Variants in ZNF799 observed in about 807,000 individuals in gnomAD.
ZNF799 encodes zinc finger protein 799.
Under a neutral mutation model 41.0 loss-of-function variants are expected in ZNF799, and 28 were observed. The observed-to-expected ratio is 0.68, with a 90% confidence interval of 0.51 to 0.94. The LOEUF (loss-of-function observed/expected upper bound fraction) is 0.94, where lower values mean the gene tolerates loss of function less well. ZNF799 is among the 40% of genes least tolerant of loss of function. The pLI is 0.00. For missense variants in ZNF799, 716 were observed against 764.3 expected, an observed-to-expected ratio of 0.94 and a Z score of 0.74; for synonymous variants, 213 against 252.9, an observed-to-expected ratio of 0.84 and a Z score of 1.50.
At position 12,401,257 on chromosome 19, in the gene ZNF799, G is replaced by T; in HGVS notation, c.-187C>A. 1.4e-6 allele frequency: 2 copies of T among 1,395,776 alleles called. No individual in the cohort carries two copies. The highest frequency in any genetic ancestry group is 1.5e-5 in the South Asian group (1 of 68,790). 86.5% of individuals were successfully genotyped at this position (1,395,776 alleles called of 1,614,324 possible). A position where few individuals can be genotyped will look rare whatever the true frequency, so the allele number is the denominator to read the frequency against. On this transcript the variant is annotated 5_prime_UTR_variant, in exon 1 of 4. Coordinates refer to ENST00000430385, the MANE Select transcript of ZNF799 (RefSeq NM_001080821.3). ...TTTCAACCACACACTCCTCTGGGAAGCGCGCCTGATTGACAGTTCCCACGA... is the reference window on the plus strand; with the variant it reads ...TTTCAACCACACACTCCTCTGGGAATCGCGCCTGATTGACAGTTCCCACGA...
At chr19:12,407,019 A>ACT in the ZNF799 span, among the ~76,000 whole-genome samples, 2 of 152,244 alleles carry the variant, frequency 1.3e-5, no homozygotes, top group African/African-American at 2.4e-5. Flanking sequence ...GTGACTAACT[A>ACT]AAGAAAAACA....
intron 1 of ZNF799, among the ~76,000 whole-genome samples, chr19:12,398,968 A>G (rs923502002): frequency 6.6e-6 from 1 of 152,178 alleles, no homozygotes; most frequent in African/African-American, 2.4e-5. Context: ...CTGAAATCCA[A>G]CTCTTTCTAG....
In ZNF799 at chr19:12,399,376, GT is replaced by G. The variant is rs554556960; in HGVS notation, c.3+1691del. Among the ~76,000 whole-genome samples, 1,180 of 150,338 alleles carry G rather than the reference GT, an allele frequency of 7.8e-3. 16 individuals carry two copies. Among genetic ancestry groups the G allele is most frequent in the African/African-American group, 0.027 (1,108 of 40,604 alleles). On this transcript the variant is annotated intron_variant, in intron 1 of 3. Coordinates refer to ENST00000430385, the MANE Select transcript of ZNF799 (RefSeq NM_001080821.3). Reference sequence around the variant, plus strand: ...AGTCCAGAAGGCAAAAATCATTTCTGTTTTTTTTTCCTATGGAATATGACCA... The same window carrying G: ...AGTCCAGAAGGCAAAAATCATTTCTGTTTTTTTTCCTATGGAATATGACCA...
intron 1 of ZNF799, 99 bp downstream of exon 1, chr19:12,400,969 G>C: frequency 6.2e-7 from 1 of 1,606,590 alleles, no homozygotes; most frequent in Non-Finnish European, 8.5e-7. Flanking sequence ...CGTAGATCCC[G>C]GAGTAGCCCT....
At chr19:12,397,241 AGGG>A (rs1969908921) in intron 1 of ZNF799, among the ~76,000 whole-genome samples, 2 of 152,084 alleles carry the variant, frequency 1.3e-5, no homozygotes, top group Admixed American at 6.6e-5. Flanking sequence ...TCCAAATGCT[AGGG>A]AAATCAATAA....
rs528389648 is a variant in ZNF799 at position 12,394,904 on chromosome 19, T to C, written c.4-1481A>G. ...GCACCCCGTACTATTAACAGAGAGATAAATATATATATAAAGAAAAATGAA... is the reference window on the plus strand; with the variant it reads ...GCACCCCGTACTATTAACAGAGAGACAAATATATATATAAAGAAAAATGAA... On this transcript the variant is annotated intron_variant, in intron 1 of 3. Coordinates refer to ENST00000430385, the MANE Select transcript of ZNF799 (RefSeq NM_001080821.3). 82 of 976,814 alleles carry C rather than the reference T, an allele frequency of 8.4e-5. No homozygotes were observed. In the African/African-American group the frequency reaches 1.2e-3, roughly 14 times the overall value. The allele number at this position is 976,814 out of a possible 1,614,324, so 60.5% of individuals were successfully genotyped here.
chr19:12,410,965 T>C, the ZNF799 span, among the ~76,000 whole-genome samples: 1 of 152,206 alleles, frequency 6.6e-6, no homozygotes, highest in Non-Finnish European at 1.5e-5. Context: ...CAGACCAGGA[T>C]GGTTTCACTG....
chr19:12,401,950 CT>C (rs1269204757), upstream of ZNF799, among the ~76,000 whole-genome samples: 1 of 152,222 alleles, frequency 6.6e-6, no homozygotes, highest in Admixed American at 6.5e-5. Context: ...TATAGTCACT[CT>C]GTTGTGCTAG....
intron 1 of ZNF799, chr19:12,400,551 G>T (rs1394391835): frequency 5.7e-6 from 1 of 174,292 alleles, no homozygotes; most frequent in Non-Finnish European, 1.2e-5. Flanking sequence ...CGCCAATCAG[G>T]TTGAAGTCCC....
chr19:12,412,013 A>G, the ZNF799 span, among the ~76,000 whole-genome samples: 5 of 152,004 alleles, frequency 3.3e-5, no homozygotes, highest in African/African-American at 9.7e-5. Context: ...TCCTTCCTCA[A>G]TGTGGTTGAT....
chr19:12,413,872 G>A, the ZNF799 span, among the ~76,000 whole-genome samples: 290 of 152,288 alleles, frequency 1.9e-3, no homozygotes, highest in African/African-American at 6.7e-3. Flanking sequence ...CGCCCGTAGG[G>A]AAGTCTGGGT....
chr19:12,392,993 A>C (rs1969847667), intron 2 of ZNF799, among the ~76,000 whole-genome samples: 1 of 151,912 alleles, frequency 6.6e-6, no homozygotes, highest in Non-Finnish European at 1.5e-5. Context: ...TTATCTTTTT[A>C]ACACTTTCTG....
At chr19:12,394,987 A>G (rs941227082) in intron 1 of ZNF799, 9 of 545,726 alleles carry the variant, frequency 1.6e-5, no homozygotes, top group African/African-American at 6.2e-5. Flanking sequence ...CCCTCCCCCT[A>G]TCAATACCAG....
At chr19:12,396,900 A>T (rs141444173) in intron 1 of ZNF799, among the ~76,000 whole-genome samples, 19 of 152,108 alleles carry the variant, frequency 1.2e-4, no homozygotes, top group African/African-American at 4.1e-4. Flanking sequence ...AAGAAAAATG[A>T]TACAGGTTAG....
chr19:12,391,710 A>T lies in ZNF799; in HGVS notation c.688T>A (p.Cys230Ser). 6.2e-7 allele frequency: 1 copy of T among 1,614,122 alleles called. No homozygotes were observed. The highest frequency in any genetic ancestry group is 8.5e-7 in the Non-Finnish European group (1 of 1,180,012). The change falls in exon 4 of 4, where the codon TGT becomes AGT. Residue 230 changes from cysteine to serine, a missense_variant. Cys to Ser is a moderately radical substitution (Grantham distance 112). This residue lies in a region of ZNF799 where 698 missense variants were observed against 713.6 expected (regional missense o/e 0.98). Transcript: ENST00000430385. ...CTGTAAAAAGAAAAGGCTTTAGAAC[A>T]CTGCTTACATTCATATGGTTTCTCT... Reference protein sequence around the residue: ...TGEKPYECKQCSKAFSFYSSY... With the variant: ...TGEKPYECKQSSKAFSFYSSY...
At chr19:12,404,330 G>A (rs1018231098), upstream of ZNF799, among the ~76,000 whole-genome samples, 1 of 152,136 alleles carries the variant, frequency 6.6e-6, no homozygotes, top group Non-Finnish European at 1.5e-5. Flanking sequence ...AGTATATATT[G>A]AGATAATCTT....
upstream of ZNF799, chr19:12,401,404 T>C (rs1969984381): frequency 5.2e-6 from 3 of 573,796 alleles, no homozygotes; most frequent in Non-Finnish European, 8.6e-6. Context: ...ACACAGCCCT[T>C]GGCAGGGCGG....
intron 1 of ZNF799, among the ~76,000 whole-genome samples, chr19:12,399,344 C>G (rs1289393673): frequency 1.3e-5 from 2 of 152,026 alleles, no homozygotes; most frequent in African/African-American, 2.4e-5. Context: ...CCTTTTAAGT[C>G]TGAGAGAGTC....
intron 1 of ZNF799, among the ~76,000 whole-genome samples, chr19:12,397,228 T>A (rs1969908741): frequency 6.6e-6 from 1 of 152,126 alleles, no homozygotes; most frequent in Admixed American, 6.5e-5. Context: ...GTGAATGGTT[T>A]ACTCCAAATG....
Sources: allele counts gnomAD v4.1 joint callset (sites outside exome capture counted in the v4.1 genomes callset), GRCh38; gene constraint gnomAD v4.1.1; regional missense constraint gnomAD v4.1.1; transcripts MANE v1.5; gene names NCBI Gene and HGNC (gene_info 2026-07-23, HGNC 2026-07-21).